CASD1: variants seen among roughly 807,000 people sequenced by gnomAD.
The protein encoded by CASD1 is N-acetylneuraminate (7)9-O-acetyltransferase.
Under a neutral mutation model 100.0 loss-of-function variants are expected in CASD1, and 41 were observed. The observed-to-expected ratio is 0.41, with a 90% confidence interval of 0.32 to 0.53. The LOEUF (loss-of-function observed/expected upper bound fraction) is 0.53. CASD1 is among the 20% of genes least tolerant of loss of function. The pLI is 0.25. For missense variants in CASD1, 774 were observed against 948.7 expected (o/e 0.82, Z 2.42); for synonymous variants, 321 against 315.6 (o/e 1.02, Z -0.18).
Position 94,509,970 on chromosome 7 carries a change from C to A in CASD1, c.-115C>A, listed in dbSNP as rs1584363083. Reference sequence around the variant, plus strand: ...CCCCGGCGGGAGGCGCAGGTGGCGGCCTGGGGAGCTGGCGGCCGCTCCTCG... The same window carrying A: ...CCCCGGCGGGAGGCGCAGGTGGCGGACTGGGGAGCTGGCGGCCGCTCCTCG... On this transcript the variant is annotated 5_prime_UTR_variant, in exon 1 of 18. Transcript: ENST00000297273. 41 of 1,227,348 alleles carry A rather than the reference C, an allele frequency of 3.3e-5. No individual in the cohort carries two copies. The East Asian group carries it at 1.4e-3, about 42-fold the overall frequency. The allele number at this position is 1,227,348 out of a possible 1,614,324, so 76.0% of individuals were successfully genotyped here.
chr7:94,553,039 A>G (rs1305008678), intron 16 of CASD1: 2 of 294,300 alleles, frequency 6.8e-6, no homozygotes. Flanking sequence ...TATGGAGCCT[A>G]CATTCTTTTT....
chr7:94,588,776 ACTTGT>A, the CASD1 span: 1 of 1,611,068 alleles, frequency 6.2e-7, no homozygotes, highest in Non-Finnish European at 8.5e-7. Context: ...TTGTTTACAC[ACTTGT>A]AAACAGAGAG....
the CASD1 span, chr7:94,599,741 T>G: frequency 6.5e-7 from 1 of 1,528,900 alleles, no homozygotes; most frequent in Non-Finnish European, 9.1e-7. Context: ...CAAAACAAAA[T>G]TTATGAATTA....
At chr7:94,570,330 A>G in the CASD1 span, among the ~76,000 whole-genome samples, 1 of 151,494 alleles carries the variant, frequency 6.6e-6, no homozygotes, top group Non-Finnish European at 1.5e-5. Context: ...TTTCTTTGTT[A>G]TTACTATGGT....
the CASD1 span, among the ~76,000 whole-genome samples, chr7:94,605,933 A>G: frequency 6.6e-6 from 1 of 152,042 alleles, no homozygotes; most frequent in Non-Finnish European, 1.5e-5. Context: ...GGTTCAAGCA[A>G]TTCTCCTGCC....
intron 7 of CASD1, among the ~76,000 whole-genome samples, 193 bp downstream of exon 7, chr7:94,533,995 T>C (rs1215139529): frequency 1.3e-5 from 2 of 151,956 alleles, no homozygotes; most frequent in Non-Finnish European, 2.9e-5. Flanking sequence ...TAAATATAGG[T>C]GAAAAATAAA....
rs1365655899 is a variant in CASD1, at chr7:94,527,105, AT to A, written c.352-51del. On this transcript the variant is annotated intron_variant, in intron 3 of 17. Coordinates refer to ENST00000297273, the MANE Select transcript of CASD1 (RefSeq NM_022900.5). ...ATAAATCAAAGCAGCTAAATGGGGC[AT>A]TTTTTATATAAATTTAATCTATACA... is the stretch of plus-strand genomic sequence containing the variant. The A allele has an allele frequency of 1.7e-5, 22 of 1,333,126 alleles. 1 individual carries two copies. Among genetic ancestry groups the A allele is most frequent in the South Asian group, 1.4e-4 (11 of 77,764 alleles). The allele number at this position is 1,333,126 out of a possible 1,614,324, so 82.6% of individuals were successfully genotyped here.
intron 10 of CASD1, 56 bp downstream of exon 10, chr7:94,539,112 T>A: frequency 9.8e-7 from 1 of 1,018,568 alleles, no homozygotes. Flanking sequence ...ATTTTAATGT[T>A]TCTTTAAGGG....
chr7:94,547,601 G>A (rs555974984), intron 13 of CASD1, among the ~76,000 whole-genome samples: 6 of 151,774 alleles, frequency 4.0e-5, no homozygotes, highest in African/African-American at 1.5e-4. Context: ...CAACTTAGGA[G>A]CAAAGGGGTT....
chr7:94,544,654 C>T (rs1489567740), intron 11 of CASD1, 124 bp downstream of exon 11: 4 of 946,302 alleles, frequency 4.2e-6, no homozygotes, highest in Non-Finnish European at 6.0e-6. Context: ...TATGAAATAG[C>T]ACTGTGAAGT....
At chr7:94,526,757 A>G (rs148196904) in intron 3 of CASD1, among the ~76,000 whole-genome samples, 1 of 152,302 alleles carries the variant, frequency 6.6e-6, no homozygotes, top group East Asian at 1.9e-4. Context: ...TGCTCCTTGT[A>G]CTACAGCCCA....
chr7:94,600,550 T>G, the CASD1 span: 1 of 861,612 alleles, frequency 1.2e-6, no homozygotes. Flanking sequence ...TTACAAAGTG[T>G]TTTATGAACC....
At chr7:94,601,443 C>CAAAAAAAAAAAAAAAAAAAA in the CASD1 span, among the ~76,000 whole-genome samples, 11 of 89,336 alleles carry the variant, frequency 1.2e-4, no homozygotes, top group African/African-American at 2.9e-4. Flanking sequence ...ATCCCAGTAT[C>CAAAAAAAAAAAAAAAAAAAA]AAAAAAAAAA....
chr7:94,588,955 G>C, the CASD1 span: 1 of 557,086 alleles, frequency 1.8e-6, no homozygotes, highest in Non-Finnish European at 3.2e-6. Flanking sequence ...TTCACTGCGG[G>C]CTATACTCTA....
At chr7:94,557,558 T>G (rs1290288599), downstream of CASD1, among the ~76,000 whole-genome samples, 4 of 152,066 alleles carry the variant, frequency 2.6e-5, no homozygotes, top group Admixed American at 2.6e-4. Flanking sequence ...AAGATTCTTC[T>G]TGATGAAACA....
At chr7:94,553,083 A>G in intron 16 of CASD1, 1 of 407,798 alleles carries the variant, frequency 2.5e-6, no homozygotes, top group Non-Finnish European at 4.8e-6. Context: ...CTTTAATTAT[A>G]ATAACTCATT....
chr7:94,538,274 C>G (rs893215963), intron 9 of CASD1, among the ~76,000 whole-genome samples: 1 of 152,120 alleles, frequency 6.6e-6, no homozygotes, highest in African/African-American at 2.4e-5. Context: ...AATGCCTATG[C>G]ACACAAACAT....
chr7:94,568,706 A>C, the CASD1 span, among the ~76,000 whole-genome samples: 2 of 152,212 alleles, frequency 1.3e-5, no homozygotes, highest in African/African-American at 2.4e-5. Flanking sequence ...TGGTATTTGG[A>C]GATTGGGCCT....
chr7:94,618,565 C>T, the CASD1 span: 1 of 562,808 alleles, frequency 1.8e-6, no homozygotes, highest in Non-Finnish European at 3.1e-6. Context: ...AGACCAGGAA[C>T]TTGAGATATA....
Sources: gnomAD v4.1 joint callset for allele counts (sites outside exome capture counted in the v4.1 genomes callset) on GRCh38, gnomAD v4.1.1 for gene constraint, MANE v1.5 for transcripts, NCBI Gene and HGNC (gene_info 2026-07-23, HGNC 2026-07-21) for gene names.